The following DYRK1A variants were observed in gnomAD, a reference collection of about 807,000 sequenced individuals.
The protein encoded by DYRK1A is dual specificity tyrosine-phosphorylation-regulated kinase 1A.
DYRK1A carries 9 observed loss-of-function variants against 79.7 expected under a neutral mutation model. The ratio of observed to expected loss-of-function variants is 0.11; its 90% CI spans 0.07 to 0.20. The LOEUF is 0.20. Ranked by LOEUF, DYRK1A falls within the 10% of genes least tolerant of loss-of-function variation. The pLI is 1.00. For synonymous variants in DYRK1A, 349 were observed against 329.7 expected, an observed-to-expected ratio of 1.06 and a Z score of -0.63; for missense variants, 622 against 956.0, an observed-to-expected ratio of 0.65 and a Z score of 4.61.
intron 1 of DYRK1A, among the ~76,000 whole-genome samples, chr21:37,418,045 G>A (rs991986573): frequency 2.6e-5 from 4 of 152,064 alleles, no homozygotes; most frequent in Non-Finnish European, 5.9e-5. Flanking sequence ...GAAGAAAATC[G>A]TATCTGTAGC....
At chr21:37,424,014 A>AT (rs2050548468) in intron 2 of DYRK1A, among the ~76,000 whole-genome samples, 1 of 152,166 alleles carries the variant, frequency 6.6e-6, no homozygotes, top group African/African-American at 2.4e-5. Flanking sequence ...TGTATTCATT[A>AT]TACAAGAGTT....
intron 1 of DYRK1A, among the ~76,000 whole-genome samples, chr21:37,396,139 A>AGG (rs1211711237): frequency 2.0e-5 from 3 of 151,798 alleles, no homozygotes; most frequent in Non-Finnish European, 4.4e-5. Context: ...AGGAAGGAGA[A>AGG]GGGGTATAGG....
At chr21:37,405,238 T>C (rs1010280261) in intron 1 of DYRK1A, among the ~76,000 whole-genome samples, 2 of 152,162 alleles carry the variant, frequency 1.3e-5, no homozygotes, top group Non-Finnish European at 2.9e-5. Flanking sequence ...AGGCAGATGC[T>C]GTGGGTCCCA....
At chr21:37,440,130 CTTTTTTTTTTTTTT>C (rs1164986221) in intron 2 of DYRK1A, among the ~76,000 whole-genome samples, 1 of 37,744 alleles carries the variant, frequency 2.6e-5, no homozygotes, top group African/African-American at 8.6e-5. Context: ...TTGTTTGCTC[CTTTTTTTTTTTTTT>C]TTTTTTTTTG....
At chr21:37,445,657 A>C (rs2051244888) in intron 2 of DYRK1A, among the ~76,000 whole-genome samples, 1 of 152,162 alleles carries the variant, frequency 6.6e-6, no homozygotes, top group Non-Finnish European at 1.5e-5. Flanking sequence ...GGTTTATAGA[A>C]GTGCCCATCA....
At chr21:37,420,186 T>G (rs2050438269) in intron 1 of DYRK1A, 113 bp from the exon 2 acceptor site, 2 of 409,164 alleles carry the variant, frequency 4.9e-6, no homozygotes, top group African/African-American at 2.1e-5. Flanking sequence ...TTTGCAAATT[T>G]GAAGTAATTT....
At chr21:37,394,183 A>AT (rs1329159859) in intron 1 of DYRK1A, among the ~76,000 whole-genome samples, 1 of 149,016 alleles carries the variant, frequency 6.7e-6, no homozygotes, top group African/African-American at 2.5e-5. Flanking sequence ...CTACTGACCG[A>AT]TTCATTTTGT....
rs921630070 is a variant in DYRK1A at position 37,511,929 on chromosome 21, GCTC to G, written c.1667_1669del (p.Pro556del). 1 of 1,611,742 alleles carries G rather than the reference GCTC, an allele frequency of 6.2e-7. No individual in the cohort carries two copies. Among genetic ancestry groups the G allele is most frequent in the Non-Finnish European group, 8.5e-7 (1 of 1,177,996 alleles). ...CTTTCAGGTGCGTCAGCAATTTCCT[GCTC>G]CTCTTGGTTGGTCAGGCACTGAAGC... is the stretch of plus-strand genomic sequence containing the variant. On this transcript the variant is annotated inframe_deletion, in exon 12 of 12. Coordinates refer to ENST00000647188, the MANE Select transcript of DYRK1A (RefSeq NM_001347721.2).
rs1470786184 is a variant in DYRK1A, at chr21:37,523,870, G to A, written c.*11339G>A. ...GCTACTGTGGCAGAATTGAGTAGTTGCTGCAGAGACCGTATGATGAGAATA... is the reference window on the plus strand; with the variant it reads ...GCTACTGTGGCAGAATTGAGTAGTTACTGCAGAGACCGTATGATGAGAATA... On this transcript the variant is annotated 3_prime_UTR_variant, in exon 12 of 12. Transcript: ENST00000647188. The A allele has an allele frequency of 6.6e-6, 1 of 152,078 alleles. No individual in the cohort carries two copies. The highest frequency in any genetic ancestry group is 1.9e-4 in the East Asian group (1 of 5,194). 9.4% of individuals were successfully genotyped at this position (152,078 alleles called of 1,614,324 possible).
intron 8 of DYRK1A, among the ~76,000 whole-genome samples, chr21:37,494,435 C>T (rs1002395481): frequency 9.9e-5 from 15 of 152,112 alleles, no homozygotes; most frequent in Non-Finnish European, 1.8e-4. Flanking sequence ...TCTCCCCTCA[C>T]TCTGTGGTCC....
intron 1 of DYRK1A, among the ~76,000 whole-genome samples, chr21:37,381,095 A>G (rs1233983031): frequency 1.3e-5 from 2 of 152,140 alleles, no homozygotes; most frequent in Non-Finnish European, 2.9e-5. Context: ...CTCTCTTGCA[A>G]TCTCAGTGGT....
intron 11 of DYRK1A, among the ~76,000 whole-genome samples, chr21:37,507,371 C>T (rs534899138): frequency 4.3e-4 from 65 of 152,206 alleles, no homozygotes; most frequent in African/African-American, 1.5e-3. Context: ...ATTTCCTCAT[C>T]CTCAGGCCTC....
chr21:37,483,056 G>A (rs972968760), intron 5 of DYRK1A, among the ~76,000 whole-genome samples: 2 of 152,042 alleles, frequency 1.3e-5, no homozygotes, highest in African/African-American at 4.8e-5. Flanking sequence ...GTCCTGAGGC[G>A]ACATACATCC....
chr21:37,414,370 A>G lies in DYRK1A; in HGVS notation c.-76-5929A>G, dbSNP rs577134941. Among the ~76,000 whole-genome samples the G allele has an allele frequency of 5.4e-4, 82 of 152,228 alleles. No individual in the cohort carries two copies. In the Middle Eastern group the frequency reaches 0.01, roughly 19 times the overall value. On this transcript the variant is annotated intron_variant, in intron 1 of 11. Transcript: ENST00000647188. Reference sequence around the variant, plus strand: ...TACCATTAGTCGTGTGTGATTTGGGATGGTTTCACTTCACCTCTCTGTGCC... The same window carrying G: ...TACCATTAGTCGTGTGTGATTTGGGGTGGTTTCACTTCACCTCTCTGTGCC...
intron 3 of DYRK1A, among the ~76,000 whole-genome samples, chr21:37,476,818 T>TC (rs71328590): frequency 0.34 from 25,962 of 76,928 alleles, 3,414 homozygotes; most frequent in East Asian, 0.47. Context: ...CACCAAGGGT[T>TC]CCCCCCCCCC....
At chr21:37,489,070 C>CAT (rs1268102139) in intron 6 of DYRK1A, among the ~76,000 whole-genome samples, 2 of 152,070 alleles carry the variant, frequency 1.3e-5, no homozygotes, top group Non-Finnish European at 1.5e-5. Flanking sequence ...GATCTAAAAG[C>CAT]AATATTGATG....
At chr21:37,469,602 A>G (rs1231359599) in intron 2 of DYRK1A, among the ~76,000 whole-genome samples, 1 of 152,170 alleles carries the variant, frequency 6.6e-6, no homozygotes, top group African/African-American at 2.4e-5. Flanking sequence ...GAAGACTTTC[A>G]ATCATGGCAG....
intron 9 of DYRK1A, chr21:37,501,938 T>C (rs1364444703): frequency 2.0e-5 from 3 of 152,252 alleles, no homozygotes; most frequent in African/African-American, 7.2e-5. Context: ...ATGTTTGATA[T>C]TGTTACGACT....
At chr21:37,453,910 T>TA (rs1312853113) in intron 2 of DYRK1A, among the ~76,000 whole-genome samples, 1 of 152,112 alleles carries the variant, frequency 6.6e-6, no homozygotes, top group African/African-American at 2.4e-5. Context: ...CTTTCTATAC[T>TA]AAAAATTGAT....
Sources: allele counts gnomAD v4.1 joint callset (sites outside exome capture counted in the v4.1 genomes callset), GRCh38; gene constraint gnomAD v4.1.1; transcripts MANE v1.5; gene names NCBI Gene and HGNC (gene_info 2026-07-23, HGNC 2026-07-21).